The following WWP2 variants were observed in gnomAD, a reference collection of about 807,000 sequenced individuals.
WWP2 encodes the protein NEDD4-like E3 ubiquitin-protein ligase WWP2.
In WWP2, 57 loss-of-function variants were observed where a neutral mutation model predicts 121.0. That is an observed-to-expected ratio of 0.47 (90% CI 0.38 to 0.59). The LOEUF is 0.59. WWP2 is among the 20% of genes least tolerant of loss of function. The pLI is 0.00. For missense variants in WWP2, 962 were observed against 1,158.9 expected (o/e 0.83, Z 2.47); for synonymous variants, 449 against 441.3 (o/e 1.02, Z -0.22).
At chr16:69,871,735 T>A in intron 6 of WWP2, 69 bp from the exon 7 acceptor site, 1 of 1,588,352 alleles carries the variant, frequency 6.3e-7, no homozygotes, top group Non-Finnish European at 8.6e-7. Flanking sequence ...TATGATGACT[T>A]AGGTAGGAAA....
rs557685038 is a variant in WWP2 at position 69,769,052 on chromosome 16, C to T, written c.-16+6661C>T. On this transcript the variant is annotated intron_variant, in intron 1 of 23. Coordinates refer to ENST00000359154, the MANE Select transcript of WWP2 (RefSeq NM_001270454.2). The stretch of plus-strand genomic sequence containing the variant: ...AATGAGTGCAGGCTGGGCGCAGTGG[C>T]TCACGCCTGTAATCCCAGCACTTTG... Among the ~76,000 whole-genome samples the T allele has an allele frequency of 3.2e-4, 48 of 152,312 alleles. 1 individual carries two copies. The highest frequency in any genetic ancestry group is 1.2e-3 in the African/African-American group (48 of 41,560).
chr16:69,846,049 CA>C (rs57201672), intron 6 of WWP2, among the ~76,000 whole-genome samples: 33 of 45,594 alleles, frequency 7.2e-4, no homozygotes, highest in South Asian at 2.5e-3. Flanking sequence ...GACTCCATCT[CA>C]AAAAAAAAAA....
chr16:69,898,554 C>A (rs1386794716), intron 8 of WWP2, among the ~76,000 whole-genome samples: 10 of 152,100 alleles, frequency 6.6e-5, no homozygotes, highest in Admixed American at 6.6e-4. Context: ...GTTTGAAGTT[C>A]CCTGATTACT....
intron 7 of WWP2, among the ~76,000 whole-genome samples, chr16:69,876,525 C>T (rs770745843): frequency 2.6e-5 from 4 of 151,818 alleles, no homozygotes; most frequent in African/African-American, 7.3e-5. Context: ...CTACCACATC[C>T]GGCTAATTTT....
chr16:69,933,867 TC>T, intron 16 of WWP2, 102 bp from the exon 17 acceptor site: 1 of 1,368,522 alleles, frequency 7.3e-7, no homozygotes, highest in Non-Finnish European at 1.0e-6. Flanking sequence ...GGGACACGTG[TC>T]CCCATACTAA....
intron 6 of WWP2, among the ~76,000 whole-genome samples, chr16:69,857,743 C>G (rs1421024039): frequency 1.3e-5 from 2 of 149,200 alleles, no homozygotes; most frequent in East Asian, 4.0e-4. Context: ...CTCACTGCAG[C>G]CTCGACCTCC....
At chr16:69,823,339 A>G (rs1401291875) in intron 4 of WWP2, among the ~76,000 whole-genome samples, 2 of 152,176 alleles carry the variant, frequency 1.3e-5, no homozygotes, top group African/African-American at 2.4e-5. Flanking sequence ...GTATGGCTGC[A>G]GGTAGCTGTG....
chr16:69,854,146 G>C (rs991437162), intron 6 of WWP2, among the ~76,000 whole-genome samples: 1 of 152,230 alleles, frequency 6.6e-6, no homozygotes, highest in African/African-American at 2.4e-5. Context: ...CTTGGTCCTA[G>C]AAAATTGTGA....
Position 69,883,400 on chromosome 16 carries a change from GCA to G in WWP2, c.704-4613_704-4612del, listed in dbSNP as rs59771717. On this transcript the variant is annotated intron_variant, in intron 7 of 23. Transcript: ENST00000359154. ...AAGCTTTCATGTTCTAAGAATGTGC[GCA>G]CACACACACACACACACACACACAC... Among the ~76,000 whole-genome samples, 1,446 of 145,868 alleles carry G rather than the reference GCA, an allele frequency of 9.9e-3. 11 individuals carry two copies. Among genetic ancestry groups the G allele is most frequent in the Non-Finnish European group, 0.012 (768 of 66,580 alleles).
At position 69,939,046 on chromosome 16, in the gene WWP2, A is replaced by G; in HGVS notation, c.2363A>G (p.Asn788Ser). 1 of 1,605,602 alleles carries G rather than the reference A, an allele frequency of 6.2e-7. No individual in the cohort carries two copies. The highest frequency in any genetic ancestry group is 1.3e-5 in the African/African-American group (1 of 74,922). ...WFWQVVKEMD[N>S]EKRIRLLQFV... The stretch of plus-strand genomic sequence containing the variant: ...TTCCAGGTGGTGAAGGAGATGGACA[A>G]CGAGAAGAGGATCCGGCTGCTGCAG... The change falls in exon 22 of 24, where the codon AAC (asparagine) becomes AGC (serine). Residue 788 changes from asparagine to serine, a missense_variant. Physicochemically the swap from Asn to Ser is conservative, Grantham distance 46. Transcript: ENST00000359154.
intron 6 of WWP2, among the ~76,000 whole-genome samples, chr16:69,868,964 T>C (rs981480107): frequency 1.3e-5 from 2 of 152,232 alleles, no homozygotes; most frequent in Non-Finnish European, 2.9e-5. Context: ...CTCGGCTCAC[T>C]GCGACCTCCA....
intron 6 of WWP2, among the ~76,000 whole-genome samples, chr16:69,857,615 T>C (rs2057340544): frequency 6.6e-6 from 1 of 151,866 alleles, no homozygotes; most frequent in African/African-American, 2.4e-5. Flanking sequence ...GGGTCTACTT[T>C]GTGTGTTTTG....
intron 6 of WWP2, among the ~76,000 whole-genome samples, chr16:69,852,718 G>A (rs2057241887): frequency 6.6e-6 from 1 of 152,044 alleles, no homozygotes; most frequent in Non-Finnish European, 1.5e-5. Flanking sequence ...TGTATATTTT[G>A]GATAGCAGTT....
chr16:69,784,798 A>G (rs959536953), intron 1 of WWP2, among the ~76,000 whole-genome samples: 3 of 152,146 alleles, frequency 2.0e-5, no homozygotes, highest in Non-Finnish European at 4.4e-5. Flanking sequence ...TTTTACTTAA[A>G]CATCTAACAG....
intron 6 of WWP2, among the ~76,000 whole-genome samples, chr16:69,858,076 G>A (rs1002546327): frequency 6.6e-6 from 1 of 151,772 alleles, no homozygotes; most frequent in African/African-American, 2.4e-5. Context: ...GGGCCCGGTT[G>A]GTTTTGTTCC....
chr16:69,895,885 T>C (rs2058097861), intron 8 of WWP2, among the ~76,000 whole-genome samples: 1 of 152,208 alleles, frequency 6.6e-6, no homozygotes, highest in Admixed American at 6.5e-5. Context: ...ACACTGAGCG[T>C]CTGTGTCTTT....
At position 69,935,675 on chromosome 16, in the gene WWP2, A is replaced by G. The variant is rs756410522; in HGVS notation, c.1843-178A>G. 1.8e-4 allele frequency among the ~76,000 whole-genome samples: 27 copies of G among 152,314 alleles called. No individual in the cohort carries two copies. The highest frequency in any genetic ancestry group is 1.0e-3 in the South Asian group (5 of 4,826). ...AGTCCCTCTGTAGGTACAAGTCAGG[A>G]TAAAGGCGTTGTTTACTCCTGAGGC... is the stretch of plus-strand genomic sequence containing the variant. On this transcript the variant is annotated intron_variant, in intron 17 of 23. Coordinates refer to ENST00000359154, the MANE Select transcript of WWP2 (RefSeq NM_001270454.2). The surrounding 1 kb of genome is among the most constrained non-coding windows in gnomAD (Gnocchi z 5.2).
intron 5 of WWP2, among the ~76,000 whole-genome samples, chr16:69,841,251 T>C (rs2056971922): frequency 6.6e-6 from 1 of 152,204 alleles, no homozygotes; most frequent in Non-Finnish European, 1.5e-5. Context: ...ATAGCTGTGA[T>C]TGTAACAAAA....
intron 6 of WWP2, among the ~76,000 whole-genome samples, chr16:69,857,747 G>T (rs2057344649): frequency 7.1e-6 from 1 of 140,122 alleles, no homozygotes; most frequent in Non-Finnish European, 1.5e-5. Context: ...CTGCAGCCTC[G>T]ACCTCCCAGG....
Sources: gnomAD v4.1 joint callset for allele counts (sites outside exome capture counted in the v4.1 genomes callset) on GRCh38, gnomAD v4.1.1 for gene constraint, Gnocchi (gnomAD v3.1) non-coding constraint, MANE v1.5 for transcripts, NCBI Gene and HGNC (gene_info 2026-07-23, HGNC 2026-07-21) for gene names.